The following USP10 variants were observed in gnomAD, a reference collection of about 807,000 sequenced individuals.
USP10 encodes the protein ubiquitin specific peptidase 10.
USP10 carries 22 observed loss-of-function variants against 84.5 expected under a neutral mutation model. The observed-to-expected ratio is 0.26, with a 90% CI of 0.19 to 0.37. USP10 has a LOEUF of 0.37. Ranked by LOEUF, USP10 falls within the 10% of genes least tolerant of loss-of-function variation. The probability of loss-of-function intolerance (pLI) is 1.00; values close to 1 mark genes in which losing one functional copy is unlikely to be tolerated. For synonymous variants in USP10, 454 were observed against 387.6 expected, an observed-to-expected ratio of 1.17 and a Z score of -2.01; for missense variants, 1,019 against 998.9, an observed-to-expected ratio of 1.02 and a Z score of -0.27.
intron 4 of USP10, among the ~76,000 whole-genome samples, chr16:84,755,154 G>T (rs375145920): frequency 5.5e-4 from 83 of 151,446 alleles, no homozygotes; most frequent in African/African-American, 1.9e-3. Context: ...GGCAGATCTT[G>T]TATGCCTGGC....
chr16:84,719,298 C>T (rs1404495592), intron 1 of USP10, among the ~76,000 whole-genome samples: 2 of 152,146 alleles, frequency 1.3e-5, no homozygotes, highest in Non-Finnish European at 2.9e-5. Context: ...CTCCCCTCAT[C>T]CTCCTGTTTT....
intron 1 of USP10, among the ~76,000 whole-genome samples, chr16:84,711,824 A>G (rs1230379539): frequency 6.9e-6 from 1 of 145,180 alleles, no homozygotes; most frequent in African/African-American, 2.6e-5. Context: ...GGCTCAAGTG[A>G]TTCTCTGGCC....
chr16:84,769,887 T>A (rs73245666), intron 11 of USP10, among the ~76,000 whole-genome samples: 2,390 of 152,300 alleles, frequency 0.016, 46 homozygotes, highest in African/African-American at 0.055. Context: ...TGTTAGCCTG[T>A]TGTTAGACGG....
intron 5 of USP10, 149 bp from the exon 6 acceptor site, chr16:84,759,214 G>T (rs1165135485): frequency 5.7e-6 from 4 of 701,552 alleles, no homozygotes; most frequent in Non-Finnish European, 1.0e-5. Context: ...GTAACTATTT[G>T]GTTTATTCCT....
At chr16:84,735,067 G>T (rs1435684020) in intron 2 of USP10, among the ~76,000 whole-genome samples, 1 of 151,564 alleles carries the variant, frequency 6.6e-6, no homozygotes, top group Non-Finnish European at 1.5e-5. Flanking sequence ...GTCTCACTCT[G>T]CCCAGGCTGG....
chr16:84,763,234 G>A lies in USP10; in HGVS notation c.1654+146G>A. ...TCCCTACGATAACTTACACCATCGAGAAGGTTATATTTAGGTAAATTACAG... is the reference window on the plus strand; with the variant it reads ...TCCCTACGATAACTTACACCATCGAAAAGGTTATATTTAGGTAAATTACAG... On this transcript the variant is annotated intron_variant, in intron 9 of 13. Coordinates refer to ENST00000219473, the MANE Select transcript of USP10 (RefSeq NM_005153.3). The A allele has an allele frequency of 8.2e-6, 4 of 490,730 alleles. No individual in the cohort carries two copies. In the South Asian group the frequency reaches 1.5e-4, roughly 19 times the overall value. 30.4% of individuals were successfully genotyped at this position (490,730 alleles called of 1,614,324 possible).
chr16:84,776,199 G>T (rs1169033209), intron 13 of USP10, among the ~76,000 whole-genome samples: 1 of 152,192 alleles, frequency 6.6e-6, no homozygotes, highest in Non-Finnish European at 1.5e-5. Flanking sequence ...GGCCTGCAGT[G>T]GCAGAGCAGG....
chr16:84,702,439 G>A (rs1337503581), intron 1 of USP10, among the ~76,000 whole-genome samples: 4 of 152,264 alleles, frequency 2.6e-5, no homozygotes, highest in East Asian at 3.9e-4. Flanking sequence ...TTAGTTACTG[G>A]TTCCTGCTCC....
chr16:84,748,560 T>G (rs942648059), intron 4 of USP10, among the ~76,000 whole-genome samples: 1 of 152,146 alleles, frequency 6.6e-6, no homozygotes, highest in Non-Finnish European at 1.5e-5. Flanking sequence ...TGCCTCAGCC[T>G]CTCAAAGTGC....
In USP10 at chr16:84,779,104, C is replaced by T. The variant is rs16974597; in HGVS notation, c.*22C>T. 184 of 1,596,976 alleles carry T rather than the reference C, an allele frequency of 1.2e-4. No homozygotes were observed. Among genetic ancestry groups the T allele is most frequent in the East Asian group, 4.5e-4 (20 of 44,430 alleles). On this transcript the variant is annotated 3_prime_UTR_variant, in exon 14 of 14. Transcript: ENST00000219473. ...GTAAACCCTGTGTGCGCTGTGTGTG[C>T]GCCCAGTGCCCGCTTCGTAGGACAC...
chr16:84,708,324 C>T (rs1905819280), intron 1 of USP10, among the ~76,000 whole-genome samples: 1 of 152,084 alleles, frequency 6.6e-6, no homozygotes, highest in Non-Finnish European at 1.5e-5. Context: ...GTGGCGGGCA[C>T]CTTTAATCCC....
At chr16:84,720,700 G>A (rs1462601079) in intron 1 of USP10, among the ~76,000 whole-genome samples, 2 of 145,960 alleles carry the variant, frequency 1.4e-5, no homozygotes, top group African/African-American at 5.1e-5. Flanking sequence ...TCCTGCCTCA[G>A]CCTCCTGAGT....
At chr16:84,735,985 G>A (rs146099766) in intron 2 of USP10, among the ~76,000 whole-genome samples, 2 of 151,956 alleles carry the variant, frequency 1.3e-5, no homozygotes, top group African/African-American at 4.8e-5. Flanking sequence ...TGTGAGTGGC[G>A]AGGGCGTGTC....
intron 9 of USP10, among the ~76,000 whole-genome samples, 200 bp from the exon 10 acceptor site, chr16:84,763,886 C>G (rs570424651): frequency 8.6e-5 from 13 of 151,264 alleles, no homozygotes; most frequent in African/African-American, 2.9e-4. Flanking sequence ...GATTGGTTGC[C>G]GTGGATCCAG....
chr16:84,724,919 C>T (rs1358144511), intron 1 of USP10, among the ~76,000 whole-genome samples: 2 of 152,178 alleles, frequency 1.3e-5, no homozygotes, highest in South Asian at 2.1e-4. Flanking sequence ...AATGATTGTT[C>T]AGTAGATATC....
intron 4 of USP10, among the ~76,000 whole-genome samples, chr16:84,757,138 C>G (rs1352455270): frequency 6.6e-6 from 1 of 152,152 alleles, no homozygotes; most frequent in Admixed American, 6.5e-5. Context: ...ATGACAGGTG[C>G]TATCTCTGCT....
chr16:84,746,623 G>A (rs1002985988), intron 4 of USP10, among the ~76,000 whole-genome samples: 4 of 152,314 alleles, frequency 2.6e-5, no homozygotes, highest in African/African-American at 4.8e-5. Flanking sequence ...AGCACTCACC[G>A]TGAATGGAGC....
At chr16:84,772,495 G>C (rs377318403) in intron 11 of USP10, 46 bp from the exon 12 acceptor site, 13 of 1,608,222 alleles carry the variant, frequency 8.1e-6, no homozygotes, top group Non-Finnish European at 1.1e-5. Context: ...GTTAGCTGTT[G>C]CAAGTAAGAC....
rs58807397 is a variant in USP10, at chr16:84,759,312, A to G, written c.1285-51A>G. ...CTTGTGCTTCATGTGCCTTCAGGAA[A>G]TGTGGTGTGTCTGTTCATTTCCTTT... is the stretch of plus-strand genomic sequence containing the variant. On this transcript the variant is annotated intron_variant, in intron 5 of 13. Transcript: ENST00000219473. The G allele has an allele frequency of 1.8e-3, 2,827 of 1,538,918 alleles. 38 individuals are homozygous for G. In the African/African-American group the frequency reaches 0.033, roughly 18 times the overall value.
Sources: allele counts gnomAD v4.1 joint callset (sites outside exome capture counted in the v4.1 genomes callset), GRCh38; gene constraint gnomAD v4.1.1; transcripts MANE v1.5; gene names NCBI Gene and HGNC (gene_info 2026-07-23, HGNC 2026-07-21).